Variants in SIGLEC9 observed in about 807,000 individuals in gnomAD.
SIGLEC9 encodes sialic acid binding Ig like lectin 9, also known as sialic acid-binding Ig-like lectin 9.
SIGLEC9 carries 26 observed loss-of-function variants against 38.3 expected under a neutral mutation model. That is an observed-to-expected ratio of 0.68 (90% CI 0.50 to 0.94). The LOEUF (loss-of-function observed/expected upper bound fraction) is 0.94. Among genes scored for constraint, SIGLEC9 ranks in the 40% least tolerant of loss-of-function variants. The pLI is 0.00. For missense variants in SIGLEC9, 556 were observed against 585.7 expected (o/e 0.95, Z 0.52); for synonymous variants, 236 against 248.0 (o/e 0.95, Z 0.45).
intron 1 of SIGLEC9, 72 bp from the exon 2 acceptor site, chr19:51,125,525 A>G: frequency 6.3e-7 from 1 of 1,578,490 alleles, no homozygotes; most frequent in Non-Finnish European, 8.6e-7. Flanking sequence ...GAGCTGGACC[A>G]GAGCCTGAGC....
upstream of SIGLEC9, among the ~76,000 whole-genome samples, chr19:51,123,934 G>A (rs115219834): frequency 2.9e-3 from 439 of 152,208 alleles, 1 homozygote; most frequent in Middle Eastern, 0.014. Context: ...CCTGCCCATC[G>A]CGGAGGGTGC....
upstream of SIGLEC9, among the ~76,000 whole-genome samples, chr19:51,121,279 T>C (rs2943780): frequency 0.12 from 18,818 of 152,064 alleles, 3,904 homozygotes; most frequent in African/African-American, 0.43. Flanking sequence ...CCTCGGCCTC[T>C]GGAGTAGCTG....
chr19:51,122,544 G>A (rs1299918856), upstream of SIGLEC9, among the ~76,000 whole-genome samples: 1 of 144,050 alleles, frequency 6.9e-6, no homozygotes, highest in Non-Finnish European at 1.5e-5. This position sits in a 1 kb window ranked among gnomAD's most constrained non-coding sequence, Gnocchi z 4.1. Flanking sequence ...TCACGGCACT[G>A]TACTCTAGCC....
intron 6 of SIGLEC9, chr19:51,135,819 C>CTGG: frequency 1.8e-6 from 1 of 566,924 alleles, no homozygotes; most frequent in Non-Finnish European, 3.1e-6. Context: ...ATTCAGAGAA[C>CTGG]TGGTCTTTGA....
upstream of SIGLEC9, chr19:51,124,854 G>A: frequency 7.5e-7 from 1 of 1,325,658 alleles, no homozygotes; most frequent in African/African-American, 1.5e-5. Context: ...GGAGGTCACT[G>A]TTCCGACCTC....
In SIGLEC9 at chr19:51,127,941, G is replaced by C; in HGVS notation, c.1016-8G>C. The C allele has an allele frequency of 6.2e-7, 1 of 1,601,034 alleles. No individual in the cohort carries two copies. The highest frequency in any genetic ancestry group is 8.6e-7 in the Non-Finnish European group (1 of 1,169,050). On this transcript the variant is annotated splice_polypyrimidine_tract_variant and splice_region_variant and intron_variant, in intron 4 of 6. Coordinates refer to ENST00000250360, the MANE Select transcript of SIGLEC9 (RefSeq NM_014441.3). ...TATATCACAAAAATAACTCCCATCT[G>C]TCAACAGGCAAAGCCACATCAGGAG...
rs1246754805 is a variant in SIGLEC9, at chr19:51,127,191, G to A, written c.910G>A (p.Val304Met). Residue 304 changes from valine to methionine, a missense_variant, in exon 4 of 7, where the codon GTG becomes ATG. Coordinates refer to ENST00000250360, the MANE Select transcript of SIGLEC9 (RefSeq NM_014441.3). ...LCPSQPSNPG[V>M]LELPWVHLRD... ...CCCCTCACAGCCCTCAAACCCGGGG[G>A]TGCTGGAGCTGCCTTGGGTGCACCT... 1.1e-5 allele frequency: 17 copies of A among 1,614,116 alleles called. No homozygotes were observed. Among genetic ancestry groups the A allele is most frequent in the Admixed American group, 1.7e-5 (1 of 60,008 alleles).
At position 51,130,207 on chromosome 19, in the gene SIGLEC9, G is replaced by T. The variant is rs1226526879; in HGVS notation, c.*128G>T. 1.4e-6 allele frequency: 2 copies of T among 1,405,518 alleles called. No individual in the cohort carries two copies. Among genetic ancestry groups the T allele is most frequent in the African/African-American group, 2.9e-5 (2 of 68,728 alleles). The allele number at this position is 1,405,518 out of a possible 1,614,324, so 87.1% of individuals were successfully genotyped here. A position where few individuals can be genotyped will look rare whatever the true frequency, so the allele number is the denominator to read the frequency against. On this transcript the variant is annotated 3_prime_UTR_variant, in exon 7 of 7. Transcript: ENST00000250360. ...GCTATGATAACACTATGAATTATGTGCAGAGTGAAAAGCACACAGGCTTTA... is the reference window on the plus strand; with the variant it reads ...GCTATGATAACACTATGAATTATGTTCAGAGTGAAAAGCACACAGGCTTTA...
downstream of SIGLEC9, among the ~76,000 whole-genome samples, chr19:51,130,720 G>A (rs1330373611): frequency 2.0e-5 from 3 of 152,048 alleles, no homozygotes; most frequent in East Asian, 1.9e-4. Flanking sequence ...AGCTCTCTCC[G>A]CACTGCTCAC....
At chr19:51,129,523 C>G (rs1025599743) in intron 6 of SIGLEC9, among the ~76,000 whole-genome samples, 23 of 151,772 alleles carry the variant, frequency 1.5e-4, no homozygotes, top group African/African-American at 5.1e-4. Flanking sequence ...GTGAGTGAGG[C>G]TGTTGCCTCA....
At chr19:51,127,823 C>G (rs2091988736) in intron 4 of SIGLEC9, 126 bp from the exon 5 acceptor site, 2 of 625,472 alleles carry the variant, frequency 3.2e-6, no homozygotes, top group African/African-American at 3.7e-5. Context: ...TGCTCTCTCT[C>G]ATTCCTGTTC....
chr19:51,130,837 C>A (rs2092011139), downstream of SIGLEC9, among the ~76,000 whole-genome samples: 1 of 152,218 alleles, frequency 6.6e-6, no homozygotes, highest in Non-Finnish European at 1.5e-5. Flanking sequence ...ACCCACTGGT[C>A]CCTCTGGTCT....
At chr19:51,136,002 T>A in exon 7 of SIGLEC9, 1 of 703,518 alleles carries the variant, frequency 1.4e-6, no homozygotes, top group Non-Finnish European at 2.6e-6. Flanking sequence ...TTCCTTGGAC[T>A]GGGTTTCGAG....
rs2091968057 is a variant in SIGLEC9, at chr19:51,125,150, G to C, written c.176G>C (p.Gly59Ala). The change falls in exon 1 of 7, where the codon GGC (glycine) becomes GCC (alanine). Residue 59 changes from glycine (G) to alanine (A), a missense_variant. Transcript: ENST00000250360. ...ATTTACCCTGGCCCAGTAGTTCATG[G>C]CTACTGGTTCCGGGAAGGGGCCAAT... ...GWIYPGPVVHGYWFREGANTD... is the reference protein window; with the variant it reads ...GWIYPGPVVHAYWFREGANTD... The C allele has an allele frequency of 6.2e-7, 1 of 1,614,014 alleles. No individual in the cohort carries two copies. The highest frequency in any genetic ancestry group is 1.3e-5 in the African/African-American group (1 of 74,964).
At chr19:51,130,585 T>C (rs780115990), downstream of SIGLEC9, among the ~76,000 whole-genome samples, 1 of 152,222 alleles carries the variant, frequency 6.6e-6, no homozygotes, top group Non-Finnish European at 1.5e-5. Context: ...AAATCAGGTC[T>C]AGGTAGCATC....
At chr19:51,127,844 G>C in intron 4 of SIGLEC9, 105 bp from the exon 5 acceptor site, 1 of 688,458 alleles carries the variant, frequency 1.5e-6, no homozygotes, top group South Asian at 1.8e-5. Context: ...TTTGTGTCTG[G>C]AAAGGGGAAG....
chr19:51,122,071 G>A (rs1786321705), upstream of SIGLEC9, among the ~76,000 whole-genome samples: 1 of 152,062 alleles, frequency 6.6e-6, no homozygotes, highest in Admixed American at 6.6e-5. The surrounding 1 kb of genome is among the most constrained non-coding windows in gnomAD (Gnocchi z 4.1). Flanking sequence ...AGCTGGTCAT[G>A]CCCCAACACC....
At chr19:51,134,856 AT>A (rs2092034291), downstream of SIGLEC9, among the ~76,000 whole-genome samples, 2 of 152,136 alleles carry the variant, frequency 1.3e-5, no homozygotes, top group South Asian at 4.1e-4. Flanking sequence ...ACTTTTTGAT[AT>A]GGGTATTCTG....
Position 51,129,852 on chromosome 19 carries a change from ACTGT to A in SIGLEC9, c.1204-35_1204-32del, listed in dbSNP as rs2092005219. On this transcript the variant is annotated intron_variant, in intron 6 of 6. Coordinates refer to ENST00000250360, the MANE Select transcript of SIGLEC9 (RefSeq NM_014441.3). The stretch of plus-strand genomic sequence containing the variant: ...ATGTGAGCCACCGCGCCCCATCCTC[ACTGT>A]CTGCTCTGACTCACTTCTCTCTCCC... 7 of 1,463,082 alleles carry A rather than the reference ACTGT, an allele frequency of 4.8e-6. No individual in the cohort carries two copies. In the South Asian group the frequency reaches 6.6e-5, roughly 14 times the overall value. The allele number at this position is 1,463,082 out of a possible 1,614,324, so 90.6% of individuals were successfully genotyped here.
Sources: allele counts gnomAD v4.1 joint callset (sites outside exome capture counted in the v4.1 genomes callset), GRCh38; gene constraint gnomAD v4.1.1; non-coding constraint Gnocchi (gnomAD v3.1); transcripts MANE v1.5; gene names NCBI Gene and HGNC (gene_info 2026-07-23, HGNC 2026-07-21).